Variants in HAS3 observed in about 807,000 individuals in gnomAD.
The protein encoded by HAS3 is hyaluronan synthase 3.
Under a neutral mutation model 50.3 loss-of-function variants are expected in HAS3, and 27 were observed. The ratio of observed to expected loss-of-function variants is 0.54; its 90% CI spans 0.40 to 0.74. HAS3 has a LOEUF of 0.74. Ranked by LOEUF, HAS3 falls within the 30% of genes least tolerant of loss-of-function variation. The pLI, the probability that HAS3 is intolerant of heterozygous loss-of-function variation, is 0.00. For missense variants in HAS3, 517 were observed against 742.8 expected (o/e 0.70, Z 3.53); for synonymous variants, 339 against 310.9 (o/e 1.09, Z -0.95).
At chr16:69,105,308 C>T (rs1346985417), upstream of HAS3, among the ~76,000 whole-genome samples, 2 of 152,068 alleles carry the variant, frequency 1.3e-5, no homozygotes, top group African/African-American at 4.8e-5. Context: ...AACTTCTTGT[C>T]TCTGCTAACA....
In HAS3 at chr16:69,115,601, A is replaced by T; in HGVS notation, c.*335A>T. 9.6e-7 allele frequency: 1 copy of T among 1,043,092 alleles called. No homozygotes were observed. Among genetic ancestry groups the T allele is most frequent in the Non-Finnish European group, 1.2e-6 (1 of 867,764 alleles). The allele number at this position is 1,043,092 out of a possible 1,614,324, so 64.6% of individuals were successfully genotyped here. A position where few individuals can be genotyped will look rare whatever the true frequency, so the allele number is the denominator to read the frequency against. ...ACCAAGTTAAGTCCCATTCAGTGGC[A>T]ACTTGTGATAGGTACCTGAGTGACG... On this transcript the variant is annotated 3_prime_UTR_variant, in exon 4 of 4. Coordinates refer to ENST00000569188, the MANE Select transcript of HAS3 (RefSeq NM_001199280.2).
At chr16:69,094,909 A>G in the HAS3 span, among the ~76,000 whole-genome samples, 1 of 151,226 alleles carries the variant, frequency 6.6e-6, no homozygotes, top group African/African-American at 2.4e-5. Flanking sequence ...CCTAATTTCC[A>G]GCTCAAATCC....
intron 2 of HAS3, 41 bp downstream of exon 2, chr16:69,110,072 GTC>G: frequency 6.5e-7 from 1 of 1,549,064 alleles, no homozygotes; most frequent in South Asian, 1.2e-5. Context: ...ATGGGGATAA[GTC>G]TGGACAGCCT....
chr16:69,117,033 A>C lies in HAS3; in HGVS notation c.*1767A>C. The C allele has an allele frequency of 2.0e-6, 2 of 985,552 alleles. No individual in the cohort carries two copies. Among genetic ancestry groups the C allele is most frequent in the South Asian group, 9.4e-5 (2 of 21,290 alleles). The allele number at this position is 985,552 out of a possible 1,614,324, so 61.1% of individuals were successfully genotyped here. ...TTTCCAGGTGTAGCTAACAGTTGCCACATCACACAGACCTCGAGTTTCTGG... is the reference window on the plus strand; with the variant it reads ...TTTCCAGGTGTAGCTAACAGTTGCCCCATCACACAGACCTCGAGTTTCTGG... On this transcript the variant is annotated 3_prime_UTR_variant, in exon 4 of 4. Coordinates refer to ENST00000569188, the MANE Select transcript of HAS3 (RefSeq NM_001199280.2).
chr16:69,105,161 C>T (rs1412094013), upstream of HAS3, among the ~76,000 whole-genome samples: 1 of 151,636 alleles, frequency 6.6e-6, no homozygotes, highest in Non-Finnish European at 1.5e-5. Context: ...GCATGGTGCC[C>T]GTAACGCCGA....
Position 69,117,086 on chromosome 16 carries a change from AC to A in HAS3, c.*1823del. On this transcript the variant is annotated 3_prime_UTR_variant, in exon 4 of 4. Coordinates refer to ENST00000569188, the MANE Select transcript of HAS3 (RefSeq NM_001199280.2). ...AGACTGCTGGTTGACATCAGACCCAACCCATGAAGGCTGGAAGGCAGCAGGC... is the reference window on the plus strand; with the variant it reads ...AGACTGCTGGTTGACATCAGACCCAACCATGAAGGCTGGAAGGCAGCAGGC... 1 of 985,642 alleles carries A rather than the reference AC, an allele frequency of 1.0e-6. No individual in the cohort carries two copies. The highest frequency in any genetic ancestry group is 1.2e-6 in the Non-Finnish European group (1 of 829,912). 61.1% of individuals were successfully genotyped at this position (985,642 alleles called of 1,614,324 possible).
chr16:69,091,271 C>T, the HAS3 span, among the ~76,000 whole-genome samples: 2 of 152,146 alleles, frequency 1.3e-5, no homozygotes, highest in African/African-American at 4.8e-5. Flanking sequence ...CAGATCTCTT[C>T]CTTTGTGATG....
At chr16:69,083,674 G>C in the HAS3 span, 2 of 1,551,024 alleles carry the variant, frequency 1.3e-6, no homozygotes, top group Non-Finnish European at 1.7e-6. Context: ...CTGGCTCCAA[G>C]GACGTGGAGG....
upstream of HAS3, among the ~76,000 whole-genome samples, chr16:69,100,867 T>G (rs1960690653): frequency 6.6e-6 from 1 of 151,384 alleles, no homozygotes; most frequent in African/African-American, 2.4e-5. Flanking sequence ...CGAGTACTTT[T>G]CTCTTGGTTA....
chr16:69,110,344 G>A (rs867883667), intron 2 of HAS3, among the ~76,000 whole-genome samples: 3 of 152,132 alleles, frequency 2.0e-5, no homozygotes, highest in East Asian at 1.9e-4. Context: ...CCAGCTACTC[G>A]GGAGGCTGAG....
chr16:69,095,207 AC>A, the HAS3 span, among the ~76,000 whole-genome samples: 1 of 150,094 alleles, frequency 6.7e-6, no homozygotes, highest in Admixed American at 6.6e-5. Context: ...CTGGTCTTGA[AC>A]TCCTGGCCTC....
chr16:69,113,200 T>C (rs1267435967), intron 2 of HAS3, among the ~76,000 whole-genome samples: 1 of 152,358 alleles, frequency 6.6e-6, no homozygotes, highest in Non-Finnish European at 1.5e-5. Flanking sequence ...TGGCACCTAC[T>C]GTCTTCAGGG....
Position 69,116,325 on chromosome 16 carries a change from A to C in HAS3, c.*1059A>C. The C allele has an allele frequency of 3.0e-6, 3 of 985,906 alleles. No individual in the cohort carries two copies. In the South Asian group the frequency reaches 1.4e-4, roughly 46 times the overall value. 61.1% of individuals were successfully genotyped at this position (985,906 alleles called of 1,614,324 possible). A position where few individuals can be genotyped will look rare whatever the true frequency, so the allele number is the denominator to read the frequency against. On this transcript the variant is annotated 3_prime_UTR_variant, in exon 4 of 4. Transcript: ENST00000569188. ...CTTATAGAAGCTTCAGCAGGAGGCA[A>C]GCGTGTTCTCAGCACATATGGGAAC...
upstream of HAS3, among the ~76,000 whole-genome samples, chr16:69,105,152 C>A (rs562256012): frequency 6.6e-6 from 1 of 151,956 alleles, no homozygotes; most frequent in South Asian, 2.1e-4. Context: ...GGATTACGGG[C>A]ATGGTGCCCG....
the HAS3 span, among the ~76,000 whole-genome samples, chr16:69,099,274 C>T: frequency 9.9e-5 from 14 of 140,770 alleles, no homozygotes; most frequent in African/African-American, 3.7e-4. Flanking sequence ...CCCGGCCAAA[C>T]CTGATCTTAA....
chr16:69,101,141 A>C (rs545218645), upstream of HAS3, among the ~76,000 whole-genome samples: 1 of 152,228 alleles, frequency 6.6e-6, no homozygotes, highest in African/African-American at 2.4e-5. Context: ...CATGTTCGGT[A>C]ATTCCCCATA....
chr16:69,110,308 G>A (rs1312650731), intron 2 of HAS3, among the ~76,000 whole-genome samples: 6 of 152,172 alleles, frequency 3.9e-5, no homozygotes, highest in East Asian at 1.9e-4. Context: ...AAAATTAGCC[G>A]GGCATGGTGG....
Position 69,115,362 on chromosome 16 carries a change from T to G in HAS3, c.*96T>G, listed in dbSNP as rs952128195. On this transcript the variant is annotated 3_prime_UTR_variant, in exon 4 of 4. Transcript: ENST00000569188. ...GGGTGGGAGGGAGGAGGGAGTGCTG[T>G]GTTTTAGTCTCTTAATGGTCCAAAG... 1.7e-5 allele frequency: 24 copies of G among 1,442,206 alleles called. No individual in the cohort carries two copies. Among genetic ancestry groups the G allele is most frequent in the African/African-American group, 2.8e-5 (2 of 70,440 alleles). 89.3% of individuals were successfully genotyped at this position (1,442,206 alleles called of 1,614,324 possible). A position where few individuals can be genotyped will look rare whatever the true frequency, so the allele number is the denominator to read the frequency against.
At chr16:69,087,079 G>A in the HAS3 span, among the ~76,000 whole-genome samples, 1 of 151,920 alleles carries the variant, frequency 6.6e-6, no homozygotes, top group South Asian at 2.1e-4. Context: ...CACCTGGCTT[G>A]CTGAGGCTCT....
Sources: allele counts gnomAD v4.1 joint callset (sites outside exome capture counted in the v4.1 genomes callset), GRCh38; gene constraint gnomAD v4.1.1; transcripts MANE v1.5; gene names NCBI Gene and HGNC (gene_info 2026-07-23, HGNC 2026-07-21).